The following DCDC1 variants were observed in gnomAD, a reference collection of about 807,000 sequenced individuals.
DCDC1 encodes doublecortin domain containing 1.
A neutral mutation model predicts 178.3 loss-of-function variants in DCDC1; 200 were observed. The observed-to-expected ratio is 1.12, with a 90% CI of 1.00 to 1.26. DCDC1 has a LOEUF of 1.26. Among genes scored for constraint, DCDC1 ranks in the 50% most tolerant of loss-of-function variants. DCDC1 has a pLI of 0.00. For synonymous variants in DCDC1, 690 were observed against 604.8 expected (o/e 1.14, Z -2.07); for missense variants, 1,983 against 1,749.2 (o/e 1.13, Z -2.38).
intron 20 of DCDC1, among the ~76,000 whole-genome samples, chr11:30,960,998 TTTGA>T (rs1229185304): frequency 6.6e-6 from 1 of 152,128 alleles, no homozygotes; most frequent in Non-Finnish European, 1.5e-5. Context: ...CTGTTCAATA[TTTGA>T]TTGACAGTTA....
At chr11:31,041,281 C>T (rs972897124) in intron 20 of DCDC1, among the ~76,000 whole-genome samples, 7 of 152,134 alleles carry the variant, frequency 4.6e-5, no homozygotes, top group Admixed American at 4.6e-4. Flanking sequence ...TTATATAGCA[C>T]TAAGTCCAGG....
chr11:31,187,991 C>CT (rs1969705950), intron 9 of DCDC1, among the ~76,000 whole-genome samples: 1 of 152,042 alleles, frequency 6.6e-6, no homozygotes, highest in Non-Finnish European at 1.5e-5. Flanking sequence ...CTCATCTAAT[C>CT]TTTTTTAATT....
intron 8 of DCDC1, among the ~76,000 whole-genome samples, chr11:31,260,737 C>T (rs1292328696): frequency 6.6e-6 from 1 of 152,074 alleles, no homozygotes; most frequent in East Asian, 1.9e-4. Flanking sequence ...CTCTGGTTCA[C>T]CATCATGTAA....
intron 11 of DCDC1, among the ~76,000 whole-genome samples, chr11:31,115,066 A>G (rs1959672469): frequency 1.3e-5 from 2 of 152,222 alleles, no homozygotes; most frequent in African/African-American, 4.8e-5. Flanking sequence ...CAATGTAAAT[A>G]TAACTGTTCA....
intron 20 of DCDC1, among the ~76,000 whole-genome samples, chr11:30,979,685 C>A (rs1261211665): frequency 6.6e-6 from 1 of 152,166 alleles, no homozygotes; most frequent in African/African-American, 2.4e-5. Context: ...CAGATGCCTA[C>A]AGCCATACAA....
chr11:31,279,845 C>A (rs11031337), intron 7 of DCDC1, among the ~76,000 whole-genome samples: 44,990 of 151,694 alleles, frequency 0.3, 8,109 homozygotes, highest in East Asian at 0.63. Flanking sequence ...AGTAACAAAC[C>A]TGAACGTTCT....
At chr11:31,294,076 A>T (rs1401102385) in intron 6 of DCDC1, among the ~76,000 whole-genome samples, 1 of 152,222 alleles carries the variant, frequency 6.6e-6, no homozygotes, top group African/African-American at 2.4e-5. Flanking sequence ...GTGTCCACAC[A>T]TCAAGGCACC....
intron 8 of DCDC1, among the ~76,000 whole-genome samples, chr11:31,253,419 C>A (rs185315007): frequency 6.7e-6 from 1 of 148,362 alleles, no homozygotes; most frequent in Non-Finnish European, 1.5e-5. Context: ...TGCAGTGGCA[C>A]GATCTCGGCT....
intron 9 of DCDC1, among the ~76,000 whole-genome samples, chr11:31,167,882 A>G (rs1966851963): frequency 6.6e-6 from 1 of 152,142 alleles, no homozygotes; most frequent in African/African-American, 2.4e-5. Flanking sequence ...ATATCTTTTG[A>G]AATGTCAACC....
chr11:30,932,000 T>A, intron 21 of DCDC1, 48 bp from the exon 22 acceptor site: 1 of 1,505,384 alleles, frequency 6.6e-7, no homozygotes, highest in Non-Finnish European at 8.9e-7. Flanking sequence ...AGAAGAAGGG[T>A]CATGTCTAGA....
intron 15 of DCDC1, among the ~76,000 whole-genome samples, chr11:31,101,545 A>G (rs1958503823): frequency 6.6e-6 from 1 of 152,190 alleles, no homozygotes; most frequent in African/African-American, 2.4e-5. Flanking sequence ...CATCTTAAAG[A>G]CTTCCTTAAA....
intron 21 of DCDC1, among the ~76,000 whole-genome samples, chr11:30,948,519 G>A (rs1948203771): frequency 6.6e-6 from 1 of 152,038 alleles, no homozygotes; most frequent in African/African-American, 2.4e-5. Flanking sequence ...AATTTCATAT[G>A]GAACCAAAAA....
chr11:31,292,505 C>T (rs1462273085), intron 6 of DCDC1, among the ~76,000 whole-genome samples: 1 of 151,912 alleles, frequency 6.6e-6, no homozygotes, highest in Non-Finnish European at 1.5e-5. Context: ...TGAAAGAAGC[C>T]AGACATAAAA....
chr11:30,969,105 T>A (rs1323548221), intron 20 of DCDC1, among the ~76,000 whole-genome samples: 1 of 152,192 alleles, frequency 6.6e-6, no homozygotes, highest in Non-Finnish European at 1.5e-5. Context: ...AGAGTTGATA[T>A]GTTACAGTCT....
chr11:31,017,783 C>A (rs1451385766), intron 20 of DCDC1, among the ~76,000 whole-genome samples: 1 of 152,070 alleles, frequency 6.6e-6, no homozygotes, highest in Non-Finnish European at 1.5e-5. Flanking sequence ...GACATGAGAT[C>A]TTACTTACTA....
intron 3 of DCDC1, among the ~76,000 whole-genome samples, chr11:31,314,788 T>C (rs988675515): frequency 6.6e-6 from 1 of 152,222 alleles, no homozygotes; most frequent in African/African-American, 2.4e-5. Context: ...CTTAACGACA[T>C]CTGCAGAAAT....
intron 9 of DCDC1, among the ~76,000 whole-genome samples, chr11:31,207,089 G>C (rs900281361): frequency 6.6e-6 from 1 of 152,096 alleles, no homozygotes; most frequent in Non-Finnish European, 1.5e-5. Flanking sequence ...AGTATAGTAT[G>C]ACATACCTTC....
intron 21 of DCDC1, among the ~76,000 whole-genome samples, chr11:30,935,361 C>T (rs1947210199): frequency 6.6e-6 from 1 of 152,120 alleles, no homozygotes; most frequent in African/African-American, 2.4e-5. Flanking sequence ...TAAATTCCCA[C>T]AAGGTAAAAC....
chr11:31,082,623 T>C (rs1957249800), intron 17 of DCDC1, among the ~76,000 whole-genome samples: 1 of 151,974 alleles, frequency 6.6e-6, no homozygotes, highest in African/African-American at 2.4e-5. Flanking sequence ...ATCACACACA[T>C]ATATGTGTGT....
Sources: gnomAD v4.1 joint callset for allele counts (sites outside exome capture counted in the v4.1 genomes callset) on GRCh38, gnomAD v4.1.1 for gene constraint, MANE v1.5 for transcripts, NCBI Gene and HGNC (gene_info 2026-07-23, HGNC 2026-07-21) for gene names.